Variants in ANO3 observed in about 807,000 individuals in gnomAD.
ANO3 encodes anoctamin 3.
A neutral mutation model predicts 144.8 loss-of-function variants in ANO3; 99 were observed. The ratio of observed to expected loss-of-function variants is 0.68; its 90% confidence interval spans 0.58 to 0.81. The LOEUF (loss-of-function observed/expected upper bound fraction) is 0.81. ANO3 is among the 30% of genes least tolerant of loss of function. The pLI, the probability that ANO3 is intolerant of heterozygous loss-of-function variation, is 0.00. For synonymous variants in ANO3, 414 were observed against 392.6 expected, an observed-to-expected ratio of 1.05 and a Z score of -0.64; for missense variants, 905 against 1,202.2, an observed-to-expected ratio of 0.75 and a Z score of 3.66.
chr11:26,606,369 AGT>A (rs1851936872), intron 17 of ANO3, among the ~76,000 whole-genome samples: 1 of 152,032 alleles, frequency 6.6e-6, no homozygotes, highest in Non-Finnish European at 1.5e-5. Context: ...TTTTAGAATA[AGT>A]GTGATGTGGT....
At chr11:26,591,769 T>C (rs1851459474) in intron 14 of ANO3, among the ~76,000 whole-genome samples, 1 of 152,200 alleles carries the variant, frequency 6.6e-6, no homozygotes, top group African/African-American at 2.4e-5. Context: ...CTCATGGTTG[T>C]CGCTTGAAGA....
At chr11:26,284,985 T>C (rs1269828695) in intron 1 of ANO3, among the ~76,000 whole-genome samples, 2 of 152,256 alleles carry the variant, frequency 1.3e-5, no homozygotes, top group Non-Finnish European at 2.9e-5. Context: ...AGGTGATCTC[T>C]AAATATACTT....
At chr11:26,294,419 A>C (rs1854039046) in intron 1 of ANO3, among the ~76,000 whole-genome samples, 1 of 152,204 alleles carries the variant, frequency 6.6e-6, no homozygotes, top group Non-Finnish European at 1.5e-5. Flanking sequence ...TTTGAGTTGA[A>C]AAATAAACAT....
At chr11:26,612,101 TCA>T (rs1179351603) in intron 17 of ANO3, among the ~76,000 whole-genome samples, 1 of 152,140 alleles carries the variant, frequency 6.6e-6, no homozygotes, top group African/African-American at 2.4e-5. Flanking sequence ...CCATTTGTAT[TCA>T]CAGTTATCAT....
At chr11:26,549,964 T>G (rs1455270893) in intron 12 of ANO3, among the ~76,000 whole-genome samples, 1 of 151,906 alleles carries the variant, frequency 6.6e-6, no homozygotes, top group Non-Finnish European at 1.5e-5. Flanking sequence ...AATAAGCTTC[T>G]TCCATTTATC....
chr11:26,373,753 G>A (rs577136086), intron 1 of ANO3, among the ~76,000 whole-genome samples: 65 of 152,128 alleles, frequency 4.3e-4, no homozygotes, highest in African/African-American at 1.0e-3. Context: ...TGCATGCATC[G>A]TACATAGTAA....
intron 1 of ANO3, among the ~76,000 whole-genome samples, chr11:26,385,902 T>TA (rs1491184264): frequency 0.075 from 11,294 of 150,472 alleles, 807 homozygotes; most frequent in African/African-American, 0.17. Context: ...TGTATATATA[T>TA]TTATATACAT....
At chr11:26,417,591 T>C (rs1227758358) in intron 1 of ANO3, among the ~76,000 whole-genome samples, 1 of 152,084 alleles carries the variant, frequency 6.6e-6, no homozygotes, top group African/African-American at 2.4e-5. Flanking sequence ...AGGCACATCA[T>C]AGGAAGAGTG....
intron 1 of ANO3, among the ~76,000 whole-genome samples, chr11:26,279,995 G>A (rs1338625632): frequency 6.6e-6 from 1 of 152,142 alleles, no homozygotes; most frequent in Non-Finnish European, 1.5e-5. Context: ...GATGATGCTT[G>A]TGAGTTTTCT....
At chr11:26,291,286 T>G (rs1267299564) in intron 1 of ANO3, among the ~76,000 whole-genome samples, 1 of 152,180 alleles carries the variant, frequency 6.6e-6, no homozygotes. Context: ...TCCCTTTATT[T>G]TGAGCCTATG....
intron 18 of ANO3, among the ~76,000 whole-genome samples, chr11:26,629,312 C>T (rs955594921): frequency 1.3e-5 from 2 of 152,072 alleles, no homozygotes; most frequent in Admixed American, 6.5e-5. Context: ...CTCTGTGAAA[C>T]CTTTGTTGAC....
At chr11:26,272,461 G>C (rs1469725305) in intron 1 of ANO3, among the ~76,000 whole-genome samples, 1 of 152,102 alleles carries the variant, frequency 6.6e-6, no homozygotes, top group Non-Finnish European at 1.5e-5. Flanking sequence ...CAGCCTTTAC[G>C]TGACTGCAGA....
chr11:26,319,104 G>A (rs946484858), intron 1 of ANO3, among the ~76,000 whole-genome samples: 2 of 151,574 alleles, frequency 1.3e-5, no homozygotes, highest in Non-Finnish European at 2.9e-5. Flanking sequence ...AGCCTCCAAC[G>A]TAGCTGGAAC....
chr11:26,316,523 G>A (rs1854629040), intron 1 of ANO3, among the ~76,000 whole-genome samples: 1 of 152,142 alleles, frequency 6.6e-6, no homozygotes, highest in South Asian at 2.1e-4. Flanking sequence ...ACACTAATCA[G>A]TAGTAATAAT....
At chr11:26,223,350 T>A (rs978833548) in intron 1 of ANO3, among the ~76,000 whole-genome samples, 1 of 152,146 alleles carries the variant, frequency 6.6e-6, no homozygotes, top group African/African-American at 2.4e-5. Flanking sequence ...TTACTCATTT[T>A]GATCTGAGAC....
Position 26,211,219 on chromosome 11 carries a change from G to A in ANO3, c.154+21889G>A, listed in dbSNP as rs541090453. Reference sequence around the variant, plus strand: ...TGAAGAAACCCACTCAAAACTGCACGACTACATGGAAATTGAACAACATGC... The same window carrying A: ...TGAAGAAACCCACTCAAAACTGCACAACTACATGGAAATTGAACAACATGC... On this transcript the variant is annotated intron_variant, in intron 1 of 27. Transcript: ENST00000672621. Among the ~76,000 whole-genome samples, 45 of 152,096 alleles carry A rather than the reference G, an allele frequency of 3.0e-4. 1 individual carries two copies. The highest frequency in any genetic ancestry group is 2.6e-3 in the Admixed American group (39 of 15,260).
intron 4 of ANO3, among the ~76,000 whole-genome samples, chr11:26,465,127 TGTGTG>T (rs1264907527): frequency 3.4e-5 from 1 of 29,752 alleles, no homozygotes; most frequent in African/African-American, 1.0e-4. Flanking sequence ...CATTAAATTG[TGTGTG>T]TGTGTGTGTG....
At chr11:26,463,730 G>C (rs915395246) in intron 4 of ANO3, among the ~76,000 whole-genome samples, 3 of 151,796 alleles carry the variant, frequency 2.0e-5, no homozygotes, top group African/African-American at 7.2e-5. Flanking sequence ...CAACAATCCT[G>C]CCATCCCTCA....
chr11:26,250,404 C>T (rs1364248287), intron 1 of ANO3, among the ~76,000 whole-genome samples: 1 of 152,176 alleles, frequency 6.6e-6, no homozygotes, highest in Non-Finnish European at 1.5e-5. Context: ...CCACAACAGT[C>T]TCTGGCATCC....
Sources: gnomAD v4.1 joint callset for allele counts (sites outside exome capture counted in the v4.1 genomes callset) on GRCh38, gnomAD v4.1.1 for gene constraint, MANE v1.5 for transcripts, NCBI Gene and HGNC (gene_info 2026-07-23, HGNC 2026-07-21) for gene names.